Variants in OPRM1 observed in about 807,000 individuals in gnomAD.
OPRM1 encodes the protein mu-type opioid receptor.
OPRM1 carries 27 observed loss-of-function variants against 31.8 expected under a neutral mutation model. The ratio of observed to expected loss-of-function variants is 0.85; its 90% confidence interval spans 0.63 to 1.17. The LOEUF (loss-of-function observed/expected upper bound fraction) is 1.17. Among genes scored for constraint, OPRM1 ranks in the 50% most tolerant of loss-of-function variants. The pLI, the probability that OPRM1 is intolerant of heterozygous loss-of-function variation, is 0.00. For missense variants in OPRM1, 536 were observed against 511.1 expected, an observed-to-expected ratio of 1.05 and a Z score of -0.47; for synonymous variants, 196 against 189.9, an observed-to-expected ratio of 1.03 and a Z score of -0.26.
intron 3 of OPRM1, among the ~76,000 whole-genome samples, chr6:154,179,509 A>G (rs1221861226): frequency 1.3e-5 from 2 of 152,090 alleles, no homozygotes; most frequent in Non-Finnish European, 2.9e-5. Context: ...GCCCCCCCTT[A>G]TCTTCTGAAG....
chr6:154,175,748 G>A (rs7755913), intron 3 of OPRM1, among the ~76,000 whole-genome samples: 17,545 of 152,158 alleles, frequency 0.12, 1,855 homozygotes, highest in African/African-American at 0.28. Context: ...GAGGTACAAA[G>A]AGGAGCTGGT....
At chr6:154,219,902 T>C (rs776515284) in intron 3 of OPRM1, among the ~76,000 whole-genome samples, 4 of 151,992 alleles carry the variant, frequency 2.6e-5, no homozygotes, top group Non-Finnish European at 4.4e-5. Flanking sequence ...TGTCCTCATC[T>C]GGAGGGTGAT....
At chr6:154,061,875 C>A (rs1390032506) in intron 1 of OPRM1, among the ~76,000 whole-genome samples, 1 of 151,182 alleles carries the variant, frequency 6.6e-6, no homozygotes, top group Non-Finnish European at 1.5e-5. Context: ...AATGTTGACA[C>A]TAAGAAGATT....
chr6:154,030,007 T>C (rs1778919676), intron 1 of OPRM1, among the ~76,000 whole-genome samples: 1 of 151,772 alleles, frequency 6.6e-6, no homozygotes, highest in African/African-American at 2.4e-5. Flanking sequence ...GGTCTAATTT[T>C]TGAGGCCTCC....
At chr6:154,224,124 C>T (rs562632212) in intron 3 of OPRM1, among the ~76,000 whole-genome samples, 1 of 152,308 alleles carries the variant, frequency 6.6e-6, no homozygotes, top group East Asian at 1.9e-4. Flanking sequence ...GAAATAGAAT[C>T]TACAAGATTA....
chr6:154,098,453 A>G (rs1029907867), intron 3 of OPRM1, among the ~76,000 whole-genome samples: 1 of 152,336 alleles, frequency 6.6e-6, no homozygotes, highest in South Asian at 2.1e-4. Flanking sequence ...GTTTTGGAAC[A>G]TGTCAATCTT....
At chr6:154,149,466 A>G (rs1798439405) in intron 3 of OPRM1, among the ~76,000 whole-genome samples, 1 of 152,110 alleles carries the variant, frequency 6.6e-6, no homozygotes, top group Admixed American at 6.5e-5. Flanking sequence ...CCCATATCAC[A>G]TGGTGTTGTT....
At chr6:154,159,793 GATAAA>G in intron 3 of OPRM1, 7 of 1,517,956 alleles carry the variant, frequency 4.6e-6, no homozygotes, top group Non-Finnish European at 6.4e-6. Flanking sequence ...AGTTGCTTGT[GATAAA>G]ATATAAGAGG....
intron 3 of OPRM1, among the ~76,000 whole-genome samples, chr6:154,149,636 A>G (rs902046484): frequency 3.2e-5 from 4 of 124,362 alleles, no homozygotes; most frequent in Admixed American, 2.3e-4. Context: ...GTGTGTGTGT[A>G]GAGAGAGAGA....
In OPRM1 at chr6:154,245,999, C is replaced by T. The variant is rs944215022; in HGVS notation, c.1165-694C>T. ...TATCTTTTCAAATGTTGTCTAAGCA[C>T]GACTAGTTTAATGCCATCACAGAGC... On this transcript the variant is annotated intron_variant, in intron 3 of 3. Coordinates refer to the OPRM1 transcript ENST00000337049. Among the ~76,000 whole-genome samples the T allele has an allele frequency of 5.9e-5, 9 of 152,140 alleles. 1 individual carries two copies. In the South Asian group the frequency reaches 8.3e-4, roughly 14 times the overall value.
Position 154,170,579 on chromosome 6 carries a change from G to A in OPRM1, c.1165-76114G>A, listed in dbSNP as rs1318835391. Among the ~76,000 whole-genome samples the A allele has an allele frequency of 2.6e-5, 4 of 152,090 alleles. No individual in the cohort carries two copies. In the East Asian group the frequency reaches 5.8e-4, roughly 22 times the overall value. On this transcript the variant is annotated intron_variant, in intron 3 of 3. Coordinates refer to the OPRM1 transcript ENST00000337049. ...CAACCTCCTTTTTCTCTACCAAACC[G>A]TCTCACAAAAGGGAAGAAAATACTC... is the stretch of plus-strand genomic sequence containing the variant.
At chr6:154,102,142 G>A (rs1301181598) in intron 3 of OPRM1, among the ~76,000 whole-genome samples, 1 of 151,946 alleles carries the variant, frequency 6.6e-6, no homozygotes, top group Non-Finnish European at 1.5e-5. Context: ...GTTTTGCCGT[G>A]TTGCGAGCCT....
At chr6:154,159,757 A>T in intron 3 of OPRM1, 4 of 1,225,756 alleles carry the variant, frequency 3.3e-6, no homozygotes, top group African/African-American at 1.5e-5. Flanking sequence ...TTAAGGAAAA[A>T]TGTAAGCTTT....
downstream of OPRM1, among the ~76,000 whole-genome samples, chr6:154,137,151 C>T (rs377085048): frequency 2.0e-5 from 3 of 152,156 alleles, no homozygotes; most frequent in Non-Finnish European, 4.4e-5. Flanking sequence ...CAAAACTATA[C>T]TTTTAACCTC....
chr6:154,030,202 G>A (rs1449148433), intron 1 of OPRM1, among the ~76,000 whole-genome samples: 32 of 146,108 alleles, frequency 2.2e-4, no homozygotes, highest in Non-Finnish European at 1.5e-5. Context: ...TCCCCTTGGT[G>A]TGCATTTACG....
chr6:154,075,455 T>A (rs1787672921), intron 1 of OPRM1, among the ~76,000 whole-genome samples: 1 of 105,462 alleles, frequency 9.5e-6, no homozygotes, highest in African/African-American at 5.7e-5. Context: ...ATAAGCACTT[T>A]TTTTTTTTTT....
At chr6:154,070,238 A>G (rs1422638202) in intron 1 of OPRM1, among the ~76,000 whole-genome samples, 5 of 152,190 alleles carry the variant, frequency 3.3e-5, no homozygotes, top group Non-Finnish European at 7.3e-5. Flanking sequence ...CGTGTGGGAG[A>G]TAGAAAACTG....
chr6:154,180,414 A>ATATTTTTTTTT (rs1241250621), intron 3 of OPRM1, among the ~76,000 whole-genome samples: 18 of 65,262 alleles, frequency 2.8e-4, no homozygotes, highest in African/African-American at 8.2e-4. Context: ...ATATATATAT[A>ATATTTTTTTTT]TTTTTTTTTT....
chr6:154,118,972 C>A lies in OPRM1; in HGVS notation c.*251C>A. The A allele has an allele frequency of 8.0e-7, 1 of 1,243,956 alleles. No homozygotes were observed. The highest frequency in any genetic ancestry group is 1.5e-5 in the African/African-American group (1 of 65,318). 77.1% of individuals were successfully genotyped at this position (1,243,956 alleles called of 1,614,324 possible). The stretch of plus-strand genomic sequence containing the variant: ...AGTTTGTGCAAGACACCCAGTGGAA[C>A]CAAAACCCATCGTGGTATGTGAATT... On this transcript the variant is annotated 3_prime_UTR_variant, in exon 4 of 4. Coordinates refer to ENST00000330432, the MANE Select transcript of OPRM1 (RefSeq NM_000914.5).
Sources: allele counts gnomAD v4.1 joint callset (sites outside exome capture counted in the v4.1 genomes callset), GRCh38; gene constraint gnomAD v4.1.1; transcripts MANE v1.5; gene names NCBI Gene and HGNC (gene_info 2026-07-23, HGNC 2026-07-21).